FAM227B: variants seen among roughly 807,000 people sequenced by gnomAD.
FAM227B encodes protein FAM227B.
Under a neutral mutation model 73.8 loss-of-function variants are expected in FAM227B, and 88 were observed. The observed-to-expected ratio is 1.19, with a 90% CI of 1.00 to 1.42. FAM227B has a LOEUF of 1.42. FAM227B is among the 40% of genes most tolerant of loss of function. The pLI, the probability that FAM227B is intolerant of heterozygous loss-of-function variation, is 0.00. For missense variants in FAM227B, 632 were observed against 590.9 expected, an observed-to-expected ratio of 1.07 and a Z score of -0.72; for synonymous variants, 210 against 190.5, an observed-to-expected ratio of 1.10 and a Z score of -0.84.
intron 10 of FAM227B, among the ~76,000 whole-genome samples, chr15:49,525,103 G>C (rs939126015): frequency 1.3e-5 from 2 of 152,136 alleles, no homozygotes; most frequent in Non-Finnish European, 2.9e-5. Flanking sequence ...GAAATGTGAG[G>C]ACATGAGATT....
At chr15:49,539,152 C>G (rs1475226967) in intron 10 of FAM227B, among the ~76,000 whole-genome samples, 1 of 152,084 alleles carries the variant, frequency 6.6e-6, no homozygotes, top group Non-Finnish European at 1.5e-5. Context: ...GTGTTTCTGG[C>G]TTGGTGAGCA....
At chr15:49,452,661 T>A (rs1373628377) in intron 11 of FAM227B, among the ~76,000 whole-genome samples, 2 of 152,196 alleles carry the variant, frequency 1.3e-5, no homozygotes, top group Non-Finnish European at 2.9e-5. Flanking sequence ...AAATCTGAGA[T>A]TTGAGAGAAA....
In FAM227B at chr15:49,455,039, G is replaced by A. The variant is rs569454615; in HGVS notation, c.1012+53172C>T. Reference sequence around the variant, plus strand: ...CCTAAACAGCAGTATGATTTAAAGTGTAGTTGGGGGATCACCTGTATTAGG... The same window carrying A: ...CCTAAACAGCAGTATGATTTAAAGTATAGTTGGGGGATCACCTGTATTAGG... On this transcript the variant is annotated intron_variant, in intron 11 of 15. Transcript: ENST00000299338. Among the ~76,000 whole-genome samples the A allele has an allele frequency of 9.1e-4, 138 of 152,306 alleles. 5 individuals are homozygous for A. The South Asian group carries it at 0.027, about 30-fold the overall frequency.
chr15:49,484,311 A>G, intron 11 of FAM227B: 1 of 1,585,730 alleles, frequency 6.3e-7, no homozygotes, highest in African/African-American at 1.3e-5. Flanking sequence ...TTTTAACAGA[A>G]AGAATGCAAT....
At chr15:49,365,892 A>T in intron 13 of FAM227B, 1 of 966,900 alleles carries the variant, frequency 1.0e-6, no homozygotes, top group Non-Finnish European at 1.7e-6. Context: ...TTAGTGCAGC[A>T]AGAGAGTTGT....
chr15:49,343,802 A>G (rs1033292961), intron 13 of FAM227B: 1 of 152,204 alleles, frequency 6.6e-6, no homozygotes, highest in Non-Finnish European at 1.5e-5. Flanking sequence ...ATCACATGAT[A>G]TCCATGAGAT....
intron 8 of FAM227B, among the ~76,000 whole-genome samples, chr15:49,570,218 T>C (rs1359665141): frequency 6.6e-6 from 1 of 152,020 alleles, no homozygotes; most frequent in African/African-American, 2.4e-5. Context: ...CTGTTTTCCA[T>C]ATTAGCTGTA....
intron 13 of FAM227B, among the ~76,000 whole-genome samples, chr15:49,346,843 G>C (rs2041579717): frequency 6.6e-6 from 1 of 152,158 alleles, no homozygotes; most frequent in Admixed American, 6.5e-5. Flanking sequence ...CTACATTCTT[G>C]AAATAAGCTT....
At chr15:49,558,621 C>T (rs1189631336) in intron 9 of FAM227B, among the ~76,000 whole-genome samples, 1 of 152,170 alleles carries the variant, frequency 6.6e-6, no homozygotes, top group Non-Finnish European at 1.5e-5. Flanking sequence ...CTGGTTTCCA[C>T]CATCTAAGCA....
intron 13 of FAM227B, among the ~76,000 whole-genome samples, chr15:49,351,983 C>G (rs1321681181): frequency 2.6e-5 from 4 of 152,190 alleles, no homozygotes; most frequent in Non-Finnish European, 4.4e-5. Flanking sequence ...TGACTGAGCT[C>G]AGCTAGGCTG....
intron 9 of FAM227B, among the ~76,000 whole-genome samples, chr15:49,549,831 T>C (rs1355122845): frequency 6.6e-6 from 1 of 152,336 alleles, no homozygotes; most frequent in East Asian, 1.9e-4. Context: ...AATGAGCTGT[T>C]GGGTACACCT....
At chr15:49,369,252 C>T (rs548236068) in intron 12 of FAM227B, among the ~76,000 whole-genome samples, 3 of 152,096 alleles carry the variant, frequency 2.0e-5, no homozygotes, top group Admixed American at 6.6e-5. Context: ...CCACTGCACC[C>T]GGCCTGGTGT....
At chr15:49,435,713 A>G (rs1485099419) in intron 11 of FAM227B, among the ~76,000 whole-genome samples, 3 of 151,692 alleles carry the variant, frequency 2.0e-5, no homozygotes, top group South Asian at 2.1e-4. Context: ...GCATAAATCT[A>G]TATCATAGTT....
At chr15:49,436,029 C>T (rs954929976) in intron 11 of FAM227B, among the ~76,000 whole-genome samples, 1 of 151,354 alleles carries the variant, frequency 6.6e-6, no homozygotes, top group African/African-American at 2.4e-5. Context: ...ATGCTGTAAG[C>T]TTGCAATTAC....
chr15:49,536,159 A>C (rs1305140884), intron 10 of FAM227B, among the ~76,000 whole-genome samples: 3 of 151,706 alleles, frequency 2.0e-5, no homozygotes, highest in African/African-American at 7.2e-5. Flanking sequence ...TACAGATGAC[A>C]TAATAGTATC....
chr15:49,366,835 C>T (rs894250532), intron 13 of FAM227B: 8 of 543,000 alleles, frequency 1.5e-5, no homozygotes, highest in Non-Finnish European at 2.6e-5. Context: ...AGCCCACACT[C>T]TAATTTAGTG....
intron 13 of FAM227B, among the ~76,000 whole-genome samples, chr15:49,340,854 A>G (rs1201293161): frequency 6.6e-6 from 1 of 152,176 alleles, no homozygotes; most frequent in Non-Finnish European, 1.5e-5. Flanking sequence ...AATGTACAGA[A>G]TGGTGTTTTC....
intron 9 of FAM227B, among the ~76,000 whole-genome samples, chr15:49,561,133 C>G (rs1437520262): frequency 6.6e-6 from 1 of 151,986 alleles, no homozygotes; most frequent in East Asian, 1.9e-4. Flanking sequence ...CTCAAGAGAC[C>G]CATCTCACAT....
At chr15:49,507,105 T>C (rs937834625) in intron 11 of FAM227B, among the ~76,000 whole-genome samples, 1 of 148,632 alleles carries the variant, frequency 6.7e-6, no homozygotes, top group Non-Finnish European at 1.5e-5. Flanking sequence ...CATAACAATA[T>C]ATACGAAGTT....
Sources: allele counts gnomAD v4.1 joint callset (sites outside exome capture counted in the v4.1 genomes callset), GRCh38; gene constraint gnomAD v4.1.1; transcripts MANE v1.5; gene names NCBI Gene and HGNC (gene_info 2026-07-23, HGNC 2026-07-21).